The following JPH1 variants were observed in gnomAD, a reference collection of about 807,000 sequenced individuals.
JPH1 encodes the protein junctophilin 1, also known as junctophilin-1.
In JPH1, 12 loss-of-function variants were observed where a neutral mutation model predicts 53.6. That is an observed-to-expected ratio of 0.22 (90% CI 0.14 to 0.36). JPH1 has a LOEUF of 0.36. JPH1 is among the 10% of genes least tolerant of loss of function. JPH1 has a pLI of 1.00. For synonymous variants in JPH1, 375 were observed against 363.8 expected (o/e 1.03, Z -0.35); for missense variants, 808 against 905.5 (o/e 0.89, Z 1.38).
At chr8:74,276,515 T>C (rs1318083585) in intron 2 of JPH1, among the ~76,000 whole-genome samples, 4 of 152,358 alleles carry the variant, frequency 2.6e-5, no homozygotes, top group African/African-American at 7.2e-5. Context: ...TGGGATACAC[T>C]GACGATATTA....
At chr8:74,287,505 G>A (rs1449185764) in intron 2 of JPH1, among the ~76,000 whole-genome samples, 3 of 151,962 alleles carry the variant, frequency 2.0e-5, no homozygotes, top group African/African-American at 7.3e-5. Context: ...ATTGTTATGA[G>A]CCCCAAGGAC....
chr8:74,254,838 G>C (rs1314927365), intron 3 of JPH1, among the ~76,000 whole-genome samples: 6 of 152,056 alleles, frequency 3.9e-5, no homozygotes, highest in Non-Finnish European at 8.8e-5. Flanking sequence ...AACTTACAAG[G>C]GATGTGAAGG....
At chr8:74,308,348 A>G (rs1465464066) in intron 2 of JPH1, among the ~76,000 whole-genome samples, 2 of 152,210 alleles carry the variant, frequency 1.3e-5, no homozygotes, top group Non-Finnish European at 2.9e-5. Flanking sequence ...TGTTGACCTA[A>G]TTAAGGAAAA....
chr8:74,240,729 C>T (rs1266079363), intron 4 of JPH1, among the ~76,000 whole-genome samples: 13 of 152,286 alleles, frequency 8.5e-5, no homozygotes, highest in Admixed American at 7.8e-4. Context: ...TACACCTGGT[C>T]AGAACAATAC....
chr8:74,302,623 A>G (rs913943322), intron 2 of JPH1, among the ~76,000 whole-genome samples: 1 of 152,084 alleles, frequency 6.6e-6, no homozygotes, highest in South Asian at 2.1e-4. Flanking sequence ...AAGGAGGGGG[A>G]CATGGGAGAA....
intron 2 of JPH1, among the ~76,000 whole-genome samples, chr8:74,306,574 G>A (rs867757326): frequency 3.4e-5 from 4 of 117,594 alleles, no homozygotes; most frequent in East Asian, 2.5e-4. Context: ...AAAGGATAAC[G>A]TATAAAAGGA....
At chr8:74,258,759 G>A (rs1468107894) in intron 3 of JPH1, among the ~76,000 whole-genome samples, 9 of 152,162 alleles carry the variant, frequency 5.9e-5, no homozygotes, top group Non-Finnish European at 1.3e-4. Flanking sequence ...TAATTTCTTA[G>A]AATCAGATAT....
At chr8:74,239,410 C>T (rs1805631113) in intron 4 of JPH1, among the ~76,000 whole-genome samples, 1 of 152,152 alleles carries the variant, frequency 6.6e-6, no homozygotes, top group African/African-American at 2.4e-5. Flanking sequence ...TTTAAAATGA[C>T]ATTTTCCTCT....
rs539490064 is a variant in JPH1 at position 74,320,494 on chromosome 8, C to CT, written c.379+414dup. 4.9e-4 allele frequency among the ~76,000 whole-genome samples: 75 copies of CT among 152,304 alleles called. No homozygotes were observed. The South Asian group carries it at 0.015, about 30-fold the overall frequency. Reference sequence around the variant, plus strand: ...ACCTCACCCGCTCAGGGTGTTCGCTCTAACTCCACGGGAGTGGCGATTTCA... The same window carrying CT: ...ACCTCACCCGCTCAGGGTGTTCGCTCTTAACTCCACGGGAGTGGCGATTTCA... On this transcript the variant is annotated intron_variant, in intron 1 of 5. Coordinates refer to ENST00000342232, the MANE Select transcript of JPH1 (RefSeq NM_020647.4). The surrounding 1 kb of genome is among the most constrained non-coding windows in gnomAD (Gnocchi z 4.4).
At chr8:74,243,774 TCTC>T (rs561291632) in intron 4 of JPH1, among the ~76,000 whole-genome samples, 2 of 152,332 alleles carry the variant, frequency 1.3e-5, no homozygotes, top group African/African-American at 4.8e-5. Context: ...ATTCAAAAAA[TCTC>T]CTTTTAAAGA....
chr8:74,257,100 G>A (rs1015266272), intron 3 of JPH1, among the ~76,000 whole-genome samples: 4 of 152,152 alleles, frequency 2.6e-5, no homozygotes, highest in African/African-American at 4.8e-5. Flanking sequence ...AATAATACCC[G>A]CGACAGAAAA....
intron 2 of JPH1, among the ~76,000 whole-genome samples, chr8:74,264,792 C>G (rs2131399149): frequency 6.6e-6 from 1 of 152,312 alleles, no homozygotes; most frequent in Non-Finnish European, 1.5e-5. Context: ...AGAATGTTCA[C>G]ATGCCTTTTG....
At chr8:74,302,391 T>C (rs913870199) in intron 2 of JPH1, among the ~76,000 whole-genome samples, 1 of 152,250 alleles carries the variant, frequency 6.6e-6, no homozygotes, top group African/African-American at 2.4e-5. Context: ...TTGTATCTTA[T>C]GGACTCTAGG....
rs929898006 is a variant in JPH1, at chr8:74,284,591, C to T, written c.1140-25088G>A. Reference sequence around the variant, plus strand: ...TTGAAACAGCCTTTCCGACTAGCAACTTTCCTACAAAGAATAAAGATAATG... The same window carrying T: ...TTGAAACAGCCTTTCCGACTAGCAATTTTCCTACAAAGAATAAAGATAATG... On this transcript the variant is annotated intron_variant, in intron 2 of 5. Coordinates refer to ENST00000342232, the MANE Select transcript of JPH1 (RefSeq NM_020647.4). 4.6e-5 allele frequency among the ~76,000 whole-genome samples: 7 copies of T among 152,196 alleles called. No homozygotes were observed. In the East Asian group the frequency reaches 1.4e-3, roughly 29 times the overall value.
rs1808085442 is a variant in JPH1 at position 74,314,584 on chromosome 8, C to T, written c.1139+277G>A. ...GCTCAGGAAGATGAGCACAGGGTCT[C>T]AGTGAACTCCCTCACGCTGTTAAAT... is the stretch of plus-strand genomic sequence containing the variant. On this transcript the variant is annotated intron_variant, in intron 2 of 5. Transcript: ENST00000342232. 2.0e-5 allele frequency among the ~76,000 whole-genome samples: 3 copies of T among 152,154 alleles called. No individual in the cohort carries two copies. The South Asian group carries it at 6.2e-4, about 32-fold the overall frequency.
intron 2 of JPH1, among the ~76,000 whole-genome samples, chr8:74,292,011 C>A (rs1031177131): frequency 6.6e-6 from 1 of 152,090 alleles, no homozygotes; most frequent in African/African-American, 2.4e-5. Flanking sequence ...GAACATCACA[C>A]CCCAGGGCCT....
intron 2 of JPH1, among the ~76,000 whole-genome samples, chr8:74,271,158 G>A (rs1350129780): frequency 6.6e-6 from 1 of 152,198 alleles, no homozygotes; most frequent in East Asian, 1.9e-4. Context: ...GGAATTTCTA[G>A]AGGCCCAAGA....
Position 74,244,590 on chromosome 8 carries a change from G to A in JPH1, c.1844C>T (p.Ala615Val). ...GTTGCTTGCTGGATTCTTTGGTATA[G>A]CAAGTTCAGACTTCTTAGCTTTTGG... Reference protein sequence around the residue: ...AEPKAKKSELAIPKNPASNDS... With the variant: ...AEPKAKKSELVIPKNPASNDS... Residue 615 changes from alanine to valine, a missense_variant, in exon 4 of 6, where the codon GCT becomes GTT. Ala to Val is a moderately conservative substitution (Grantham distance 64). Transcript: ENST00000342232. The A allele has an allele frequency of 6.2e-7, 1 of 1,614,128 alleles. No individual in the cohort carries two copies. Among genetic ancestry groups the A allele is most frequent in the Non-Finnish European group, 8.5e-7 (1 of 1,179,996 alleles).
chr8:74,279,678 A>G (rs1806953351), intron 2 of JPH1, among the ~76,000 whole-genome samples: 1 of 152,232 alleles, frequency 6.6e-6, no homozygotes, highest in Non-Finnish European at 1.5e-5. Flanking sequence ...CTTCTTATAC[A>G]AAAATCTAAC....
Sources: allele counts gnomAD v4.1 joint callset (sites outside exome capture counted in the v4.1 genomes callset), GRCh38; gene constraint gnomAD v4.1.1; non-coding constraint Gnocchi (gnomAD v3.1); transcripts MANE v1.5; gene names NCBI Gene and HGNC (gene_info 2026-07-23, HGNC 2026-07-21).